The following PLPPR1 variants were observed in gnomAD, a reference collection of about 807,000 sequenced individuals.
PLPPR1 encodes phospholipid phosphatase related 1.
Under a neutral mutation model 33.1 loss-of-function variants are expected in PLPPR1, and 10 were observed. The ratio of observed to expected loss-of-function variants is 0.30; its 90% confidence interval spans 0.19 to 0.51. PLPPR1 has a LOEUF of 0.51. Ranked by LOEUF, PLPPR1 falls within the 20% of genes least tolerant of loss-of-function variation. The pLI is 0.97. For synonymous variants in PLPPR1, 151 were observed against 151.0 expected (o/e 1.00, Z 0.00); for missense variants, 304 against 408.1 (o/e 0.74, Z 2.20).
At chr9:101,131,719 C>T (rs1355361646) in intron 1 of PLPPR1, 5 of 152,168 alleles carry the variant, frequency 3.3e-5, no homozygotes, top group Admixed American at 2.0e-4. Flanking sequence ...CCTAACTTTT[C>T]AAAGGAAGAA....
intron 2 of PLPPR1, among the ~76,000 whole-genome samples, chr9:101,228,440 C>T (rs1459487874): frequency 6.6e-6 from 1 of 152,070 alleles, no homozygotes; most frequent in East Asian, 1.9e-4. Context: ...GGATGTGATA[C>T]CTGCCTCACC....
chr9:101,124,878 G>C (rs1479208581), intron 1 of PLPPR1, among the ~76,000 whole-genome samples: 1 of 152,212 alleles, frequency 6.6e-6, no homozygotes, highest in African/African-American at 2.4e-5. Context: ...TTAACGAATG[G>C]AATGCTTGTG....
chr9:101,248,460 A>T (rs1827653851), intron 2 of PLPPR1, among the ~76,000 whole-genome samples: 1 of 152,104 alleles, frequency 6.6e-6, no homozygotes, highest in African/African-American at 2.4e-5. Flanking sequence ...TAGAGTGCCA[A>T]ATGATACAGA....
Position 101,054,515 on chromosome 9 carries a change from A to G in PLPPR1, c.-46+25413A>G, listed in dbSNP as rs74494046. ...AAATGGTATTGGCGTACTGGCATTA[A>G]GGTGTAATATTTCTGTTAGGCCTTC... On this transcript the variant is annotated intron_variant, in intron 1 of 7. Coordinates refer to ENST00000374874, the MANE Select transcript of PLPPR1 (RefSeq NM_207299.2). Among the ~76,000 whole-genome samples, 1,469 of 152,264 alleles carry G rather than the reference A, an allele frequency of 9.6e-3. 28 individuals are homozygous for G. Among genetic ancestry groups the G allele is most frequent in the African/African-American group, 0.033 (1,379 of 41,544 alleles).
chr9:101,083,472 T>C (rs1185149332), intron 1 of PLPPR1, among the ~76,000 whole-genome samples: 2 of 152,048 alleles, frequency 1.3e-5, no homozygotes, highest in African/African-American at 2.4e-5. Flanking sequence ...TCTCCTGTTA[T>C]TAAATCAAAT....
intron 1 of PLPPR1, among the ~76,000 whole-genome samples, chr9:101,064,487 G>T (rs1477545469): frequency 6.6e-6 from 1 of 152,028 alleles, no homozygotes; most frequent in African/African-American, 2.4e-5. Flanking sequence ...AGAAGCTGCA[G>T]GTTTCCAAAG....
At chr9:101,212,559 C>G (rs1826710291) in intron 2 of PLPPR1, among the ~76,000 whole-genome samples, 1 of 152,120 alleles carries the variant, frequency 6.6e-6, no homozygotes, top group African/African-American at 2.4e-5. Context: ...AATGTAATTT[C>G]CAACATCATT....
At chr9:101,120,666 G>T (rs1354522569) in intron 1 of PLPPR1, among the ~76,000 whole-genome samples, 2 of 152,146 alleles carry the variant, frequency 1.3e-5, no homozygotes, top group African/African-American at 4.8e-5. Context: ...ACCACCATAT[G>T]CTCCCCTCCT....
At chr9:101,302,912 C>T (rs1172138543) in intron 4 of PLPPR1, among the ~76,000 whole-genome samples, 1 of 152,236 alleles carries the variant, frequency 6.6e-6, no homozygotes, top group African/African-American at 2.4e-5. Context: ...ACTACTTTCA[C>T]TATCTTTCAC....
At chr9:101,140,090 A>G (rs778799198) in intron 1 of PLPPR1, among the ~76,000 whole-genome samples, 5 of 152,208 alleles carry the variant, frequency 3.3e-5, no homozygotes, top group Non-Finnish European at 7.3e-5. Context: ...GAGGGATAGT[A>G]TGAGTACAAA....
At chr9:101,032,016 G>T (rs1829951568) in intron 1 of PLPPR1, among the ~76,000 whole-genome samples, 1 of 152,148 alleles carries the variant, frequency 6.6e-6, no homozygotes, top group African/African-American at 2.4e-5. Flanking sequence ...CAGAGAGCTT[G>T]ACATTAGCTG....
chr9:101,152,463 AG>A (rs1166824397), intron 1 of PLPPR1, among the ~76,000 whole-genome samples: 1 of 152,206 alleles, frequency 6.6e-6, no homozygotes, highest in African/African-American at 2.4e-5. Flanking sequence ...TTAGACATGA[AG>A]TCCTTGCCCA....
intron 2 of PLPPR1, among the ~76,000 whole-genome samples, chr9:101,205,943 G>T (rs897572657): frequency 6.6e-5 from 10 of 152,148 alleles, no homozygotes; most frequent in African/African-American, 2.2e-4. Context: ...TAACTGGGAA[G>T]AAGGATATGA....
chr9:101,233,497 T>C (rs1827231464), intron 2 of PLPPR1, among the ~76,000 whole-genome samples: 1 of 151,934 alleles, frequency 6.6e-6, no homozygotes, highest in Non-Finnish European at 1.5e-5. Flanking sequence ...TTTGTCCCCT[T>C]CAAAATTCAT....
chr9:101,235,488 A>G (rs1211745859), intron 2 of PLPPR1, among the ~76,000 whole-genome samples: 1 of 151,786 alleles, frequency 6.6e-6, no homozygotes, highest in African/African-American at 2.4e-5. Flanking sequence ...TAAAACCTCT[A>G]GCATCTTTCA....
intron 1 of PLPPR1, among the ~76,000 whole-genome samples, chr9:101,080,609 C>G (rs1830605109): frequency 1.3e-5 from 2 of 152,166 alleles, no homozygotes; most frequent in Non-Finnish European, 2.9e-5. Flanking sequence ...ATACTGATAT[C>G]AATATCTTTA....
chr9:101,247,844 T>C (rs1376457175), intron 2 of PLPPR1, among the ~76,000 whole-genome samples: 1 of 152,052 alleles, frequency 6.6e-6, no homozygotes, highest in Non-Finnish European at 1.5e-5. Context: ...ATTGCTGTTC[T>C]GTTTCCTAAG....
intron 2 of PLPPR1, among the ~76,000 whole-genome samples, chr9:101,245,208 A>G (rs1827565411): frequency 6.6e-6 from 1 of 152,072 alleles, no homozygotes; most frequent in Non-Finnish European, 1.5e-5. Flanking sequence ...CTCACTAGAC[A>G]TGATCAAGAT....
At position 101,312,948 on chromosome 9, in the gene PLPPR1, C is replaced by A. The variant is rs1234856864; in HGVS notation, c.787C>A (p.Leu263Met). Residue 263 changes from leucine to methionine, a missense_variant, in exon 6 of 8, where the codon CTG (leucine) becomes ATG (methionine). Coordinates refer to ENST00000374874, the MANE Select transcript of PLPPR1 (RefSeq NM_207299.2). ...HCSDVIAGFI[L>M]GTAVALFLGM... ...CTCGGACGTGATTGCTGGTTTCATCCTGGGCACTGCAGTGGCCCTGTTTCT... is the reference window on the plus strand; with the variant it reads ...CTCGGACGTGATTGCTGGTTTCATCATGGGCACTGCAGTGGCCCTGTTTCT... The A allele has an allele frequency of 6.2e-7, 1 of 1,614,168 alleles. No homozygotes were observed. Among genetic ancestry groups the A allele is most frequent in the Non-Finnish European group, 8.5e-7 (1 of 1,179,994 alleles).
Sources: allele counts gnomAD v4.1 joint callset (sites outside exome capture counted in the v4.1 genomes callset), GRCh38; gene constraint gnomAD v4.1.1; transcripts MANE v1.5; gene names NCBI Gene and HGNC (gene_info 2026-07-23, HGNC 2026-07-21).